The following ARHGAP26 variants were observed in gnomAD, a reference collection of about 807,000 sequenced individuals.
ARHGAP26 encodes the protein rho GTPase-activating protein 26.
In ARHGAP26, 38 loss-of-function variants were observed where a neutral mutation model predicts 104.8. The observed-to-expected ratio is 0.36, with a 90% CI of 0.28 to 0.48. ARHGAP26 has a LOEUF of 0.48. Among genes scored for constraint, ARHGAP26 ranks in the 20% least tolerant of loss-of-function variants. The pLI, the probability that ARHGAP26 is intolerant of heterozygous loss-of-function variation, is 0.99. For synonymous variants in ARHGAP26, 341 were observed against 340.0 expected, an observed-to-expected ratio of 1.00 and a Z score of -0.03; for missense variants, 704 against 947.9, an observed-to-expected ratio of 0.74 and a Z score of 3.38.
chr5:143,218,118 TTG>T (rs772849858), intron 22 of ARHGAP26, among the ~76,000 whole-genome samples: 117 of 152,310 alleles, frequency 7.7e-4, no homozygotes, highest in Admixed American at 3.5e-3. Context: ...ACTCATGCCT[TTG>T]TGTCTGCGTG....
At chr5:143,201,659 C>T (rs1023197428) in intron 20 of ARHGAP26, among the ~76,000 whole-genome samples, 3 of 152,158 alleles carry the variant, frequency 2.0e-5, no homozygotes, top group Non-Finnish European at 2.9e-5. Context: ...CATCCCTGTG[C>T]GTCTTATATC....
At chr5:143,139,132 G>T (rs1448878071) in intron 19 of ARHGAP26, among the ~76,000 whole-genome samples, 1 of 152,172 alleles carries the variant, frequency 6.6e-6, no homozygotes, top group Admixed American at 6.5e-5. Context: ...AGGGGCTGGG[G>T]TGGAAGTACA....
rs917952722 is a variant in ARHGAP26, at chr5:142,931,140, T to C, written c.1029-907T>C. On this transcript the variant is annotated intron_variant, in intron 10 of 22. Coordinates refer to ENST00000645722, the MANE Select transcript of ARHGAP26 (RefSeq NM_001135608.3). ...TAACTTTTTGAGGGTTGCAGTTCTCTTTGAGAATCTGACAGACAATTTGAA... is the reference window on the plus strand; with the variant it reads ...TAACTTTTTGAGGGTTGCAGTTCTCCTTGAGAATCTGACAGACAATTTGAA... Among the ~76,000 whole-genome samples, 7 of 152,350 alleles carry C rather than the reference T, an allele frequency of 4.6e-5. No homozygotes were observed. The East Asian group carries it at 1.2e-3, about 25-fold the overall frequency.
intron 22 of ARHGAP26, among the ~76,000 whole-genome samples, chr5:143,215,387 A>T (rs910558869): frequency 6.6e-6 from 1 of 152,224 alleles, no homozygotes; most frequent in Non-Finnish European, 1.5e-5. Context: ...TTAAACTATC[A>T]AAAGTTATGT....
intron 20 of ARHGAP26, among the ~76,000 whole-genome samples, chr5:143,172,186 A>G (rs1335050966): frequency 6.6e-6 from 1 of 152,320 alleles, no homozygotes; most frequent in East Asian, 1.9e-4. Context: ...CTGTACATGC[A>G]TGCGTGTGTT....
intron 18 of ARHGAP26, among the ~76,000 whole-genome samples, chr5:143,121,946 C>T (rs1796186462): frequency 6.6e-6 from 1 of 152,168 alleles, no homozygotes; most frequent in African/African-American, 2.4e-5. Context: ...AAAAACTTTG[C>T]CTAGAATGGC....
At chr5:142,887,543 T>C (rs1214360878) in intron 5 of ARHGAP26, among the ~76,000 whole-genome samples, 1 of 152,244 alleles carries the variant, frequency 6.6e-6, no homozygotes. Flanking sequence ...TTGACAGTTC[T>C]GTATTTCAGT....
At chr5:143,050,397 ACAC>A (rs2150216914) in intron 14 of ARHGAP26, among the ~76,000 whole-genome samples, 1 of 152,252 alleles carries the variant, frequency 6.6e-6, no homozygotes, top group South Asian at 2.1e-4. Context: ...AAAACAGAGA[ACAC>A]AATGAAGGTA....
chr5:143,092,471 G>A (rs1215341901), intron 17 of ARHGAP26, among the ~76,000 whole-genome samples: 3 of 151,936 alleles, frequency 2.0e-5, no homozygotes, highest in Admixed American at 6.6e-5. Context: ...GCCACATCCC[G>A]TTCTTTAAAC....
intron 17 of ARHGAP26, among the ~76,000 whole-genome samples, chr5:143,090,582 C>G (rs567133587): frequency 6.6e-6 from 1 of 152,128 alleles, no homozygotes; most frequent in Non-Finnish European, 1.5e-5. Flanking sequence ...AGGGTCTGTC[C>G]CTGAAACCTC....
intron 17 of ARHGAP26, among the ~76,000 whole-genome samples, chr5:143,118,378 T>C (rs955402614): frequency 6.6e-6 from 1 of 152,184 alleles, no homozygotes; most frequent in Admixed American, 6.5e-5. Flanking sequence ...ATTGAGTCAC[T>C]CTGCCCAGAC....
At chr5:143,118,312 G>A (rs1795736167) in intron 17 of ARHGAP26, among the ~76,000 whole-genome samples, 1 of 152,194 alleles carries the variant, frequency 6.6e-6, no homozygotes. Context: ...AAGTAGGTAT[G>A]TTATTCACCC....
In ARHGAP26 at chr5:143,222,278, CA is replaced by C. The variant is rs1424221538; in HGVS notation, c.2192-79del. The C allele has an allele frequency of 2.0e-4, 160 of 814,948 alleles. No individual in the cohort carries two copies. The African/African-American group carries it at 2.3e-3, about 12-fold the overall frequency. The allele number at this position is 814,948 out of a possible 1,614,324, so 50.5% of individuals were successfully genotyped here. A position where few individuals can be genotyped will look rare whatever the true frequency, so the allele number is the denominator to read the frequency against. ...ACACACACACACACACACACACACA[CA>C]CACACCCCACACACACATCTGCCGC... On this transcript the variant is annotated intron_variant, in intron 22 of 22. Coordinates refer to ENST00000645722, the MANE Select transcript of ARHGAP26 (RefSeq NM_001135608.3).
chr5:143,182,588 C>T (rs1220088294), intron 20 of ARHGAP26, among the ~76,000 whole-genome samples: 1 of 152,204 alleles, frequency 6.6e-6, no homozygotes, highest in Non-Finnish European at 1.5e-5. Flanking sequence ...CTCCTTTACC[C>T]AAACCCTGTC....
At chr5:142,964,788 A>G (rs1243537693) in intron 11 of ARHGAP26, among the ~76,000 whole-genome samples, 3 of 152,142 alleles carry the variant, frequency 2.0e-5, no homozygotes, top group Non-Finnish European at 4.4e-5. Context: ...CCAGCCTCAC[A>G]GGGTCGGTGG....
At chr5:143,039,604 G>A (rs1783154640) in intron 13 of ARHGAP26, among the ~76,000 whole-genome samples, 1 of 151,270 alleles carries the variant, frequency 6.6e-6, no homozygotes, top group Non-Finnish European at 1.5e-5. Flanking sequence ...CAAAAATGGA[G>A]CCAAAAGCGA....
At chr5:142,988,797 G>A (rs551746626) in intron 11 of ARHGAP26, among the ~76,000 whole-genome samples, 5 of 152,256 alleles carry the variant, frequency 3.3e-5, no homozygotes, top group East Asian at 1.9e-4. Flanking sequence ...GTAGTTGAGC[G>A]GTTTTGAGTG....
chr5:142,974,120 G>A (rs1055934576), intron 11 of ARHGAP26, among the ~76,000 whole-genome samples: 1 of 151,466 alleles, frequency 6.6e-6, no homozygotes, highest in Non-Finnish European at 1.5e-5. Flanking sequence ...TATCCTGCTT[G>A]CTTCTGCTAT....
chr5:143,000,794 A>G (rs144096451), intron 11 of ARHGAP26, among the ~76,000 whole-genome samples: 1,724 of 152,318 alleles, frequency 0.011, 32 homozygotes, highest in African/African-American at 0.04. Context: ...ACCAAATACT[A>G]CATGTTCTCA....
Sources: gnomAD v4.1 joint callset for allele counts (sites outside exome capture counted in the v4.1 genomes callset) on GRCh38, gnomAD v4.1.1 for gene constraint, MANE v1.5 for transcripts, NCBI Gene and HGNC (gene_info 2026-07-23, HGNC 2026-07-21) for gene names.